The following DMD variants were observed in gnomAD, a reference collection of about 807,000 sequenced individuals.
DMD encodes the protein mutant dystrophin.
A neutral mutation model predicts 330.1 loss-of-function variants in DMD; 63 were observed. The observed-to-expected ratio is 0.19, with a 90% CI of 0.16 to 0.24. The LOEUF (loss-of-function observed/expected upper bound fraction) is 0.24, where lower values mean the gene tolerates loss of function less well. Ranked by LOEUF, DMD falls within the 10% of genes least tolerant of loss-of-function variation. The pLI, the probability that DMD is intolerant of heterozygous loss-of-function variation, is 1.00. For synonymous variants in DMD, 1,223 were observed against 959.8 expected (o/e 1.27, Z -5.07); for missense variants, 3,344 against 2,684.1 (o/e 1.25, Z -5.43).
At chrX:32,334,840 T>G (rs2097697618) in intron 41 of DMD, among the ~76,000 whole-genome samples, 1 of 111,464 alleles carries the variant, frequency 9.0e-6, no homozygotes. Context: ...CACTAGAAAG[T>G]TATAGAGTAA....
intron 60 of DMD, among the ~76,000 whole-genome samples, chrX:31,425,787 G>A (rs889099390): frequency 2.7e-5 from 3 of 109,901 alleles, no homozygotes; most frequent in Non-Finnish European, 5.7e-5. Flanking sequence ...GTTGCTTGGC[G>A]CAGTGGGAAG....
rs746494160 is a variant in DMD at position 32,597,785 on chromosome X, G to T, written c.1483-1909C>A. 6.8e-4 allele frequency among the ~76,000 whole-genome samples: 76 copies of T among 111,779 alleles called. 1 individual carries two copies. Among genetic ancestry groups the T allele is most frequent in the Non-Finnish European group, 1.1e-4 (6 of 53,140 alleles). On this transcript the variant is annotated intron_variant, in intron 12 of 78. Transcript: ENST00000357033. Reference sequence around the variant, plus strand: ...GCTCTAGAACCAAGGTATGTTGCCTGGGTGCTCCAGATCCCATAAGACCTT... The same window carrying T: ...GCTCTAGAACCAAGGTATGTTGCCTTGGTGCTCCAGATCCCATAAGACCTT...
chrX:33,110,524 T>G (rs2095331428), intron 1 of DMD, among the ~76,000 whole-genome samples: 1 of 111,714 alleles, frequency 9.0e-6, no homozygotes, highest in South Asian at 3.7e-4. Flanking sequence ...TATATTAACA[T>G]ATGATTTTTC....
chrX:32,677,304 T>C (rs1401444462), intron 9 of DMD, among the ~76,000 whole-genome samples: 4 of 111,440 alleles, frequency 3.6e-5, no homozygotes, highest in Non-Finnish European at 7.6e-5. Context: ...TATCTTAACT[T>C]TGTAGTGGCT....
intron 1 of DMD, among the ~76,000 whole-genome samples, chrX:33,109,530 T>G (rs1481532581): frequency 9.0e-6 from 1 of 111,040 alleles, no homozygotes; most frequent in African/African-American, 3.3e-5. Context: ...GTACAGCATC[T>G]AAAGCTTCCT....
At chrX:32,406,980 T>C (rs2098120166) in intron 30 of DMD, among the ~76,000 whole-genome samples, 1 of 111,511 alleles carries the variant, frequency 9.0e-6, no homozygotes, top group Non-Finnish European at 1.9e-5. Context: ...TAACTCAAGA[T>C]GGATTAAAGA....
intron 51 of DMD, among the ~76,000 whole-genome samples, chrX:31,764,629 GATTTA>G (rs1445552770): frequency 1.8e-5 from 2 of 111,500 alleles, no homozygotes; most frequent in African/African-American, 3.3e-5. Context: ...CGTCTTCATG[GATTTA>G]ATTTTTTTTA....
At chrX:32,782,628 G>C (rs1160795430) in intron 7 of DMD, among the ~76,000 whole-genome samples, 5 of 111,228 alleles carry the variant, frequency 4.5e-5, no homozygotes, top group African/African-American at 1.6e-4. Flanking sequence ...AGGTATGAAT[G>C]ATTTAGTGAT....
intron 55 of DMD, among the ~76,000 whole-genome samples, chrX:31,542,137 T>C (rs773337057): frequency 2.7e-5 from 3 of 111,657 alleles, no homozygotes; most frequent in Non-Finnish European, 3.8e-5. Flanking sequence ...GGAATGGTGG[T>C]ACATTTACTG....
Position 32,724,026 on chromosome X carries a change from A to T in DMD, c.650-24733T>A, listed in dbSNP as rs185362566. ...TTAAGTACATCCAGTAAAAGAATAA[A>T]AACTAAAACTAAAATAATTAGCACA... On this transcript the variant is annotated intron_variant, in intron 7 of 78. Coordinates refer to ENST00000357033, the MANE Select transcript of DMD (RefSeq NM_004006.3). 3.4e-3 allele frequency among the ~76,000 whole-genome samples: 385 copies of T among 111,840 alleles called. 3 individuals are homozygous for T. The highest frequency in any genetic ancestry group is 0.012 in the African/African-American group (359 of 30,908).
chrX:31,592,971 CT>C (rs1303950715), intron 55 of DMD, among the ~76,000 whole-genome samples: 1 of 111,242 alleles, frequency 9.0e-6, no homozygotes, highest in African/African-American at 3.2e-5. Context: ...TTACTCAACA[CT>C]TTTAGCTATG....
intron 1 of DMD, chrX:33,128,288 A>G (rs2095477170): frequency 9.4e-7 from 1 of 1,066,928 alleles, no homozygotes; most frequent in South Asian, 2.9e-5. Context: ...AGTCATAGCC[A>G]AGCACAGATA....
At chrX:31,419,485 T>A (rs2063249058) in intron 60 of DMD, among the ~76,000 whole-genome samples, 1 of 110,498 alleles carries the variant, frequency 9.0e-6, no homozygotes, top group Admixed American at 9.8e-5. Context: ...CTACACCAGG[T>A]CAAGTCCCTC....
At chrX:32,892,909 A>G (rs1253974207) in intron 2 of DMD, among the ~76,000 whole-genome samples, 3 of 111,910 alleles carry the variant, frequency 2.7e-5, no homozygotes, top group Admixed American at 1.9e-4. Flanking sequence ...CACATGATGC[A>G]GGATGATGAC....
intron 44 of DMD, among the ~76,000 whole-genome samples, chrX:32,082,957 T>A (rs1364604010): frequency 9.0e-6 from 1 of 111,690 alleles, no homozygotes; most frequent in Non-Finnish European, 1.9e-5. Context: ...GAGTCAATAT[T>A]AGATCCAAAG....
intron 27 of DMD, among the ~76,000 whole-genome samples, chrX:32,444,391 G>A (rs1202176058): frequency 9.1e-6 from 1 of 110,005 alleles, no homozygotes; most frequent in Non-Finnish European, 1.9e-5. Context: ...TCCAGTAAAG[G>A]CAATTCCTAT....
chrX:32,993,657 C>G (rs370261870), intron 2 of DMD, among the ~76,000 whole-genome samples: 1 of 109,825 alleles, frequency 9.1e-6, no homozygotes, highest in East Asian at 2.9e-4. Context: ...TAAAGTGTGG[C>G]TACATATACT....
intron 74 of DMD, among the ~76,000 whole-genome samples, chrX:31,148,247 T>C (rs1214278283): frequency 1.8e-5 from 2 of 112,438 alleles, no homozygotes; most frequent in African/African-American, 6.5e-5. Context: ...TTTTATGTGA[T>C]TCAATCTAAT....
chrX:33,030,512 G>C lies in DMD; in HGVS notation c.32-10312C>G, dbSNP rs762128946. 2.6e-3 allele frequency among the ~76,000 whole-genome samples: 293 copies of C among 111,880 alleles called. 2 individuals are homozygous for C. The highest frequency in any genetic ancestry group is 9.1e-3 in the African/African-American group (282 of 30,849). On this transcript the variant is annotated intron_variant, in intron 1 of 78. Transcript: ENST00000357033. ...AACATGAGTATGTGGGTGTAGACTT[G>C]TTAGGAGTAAAAATAAGTTACTATT...
Sources: gnomAD v4.1 joint callset for allele counts (sites outside exome capture counted in the v4.1 genomes callset) on GRCh38, gnomAD v4.1.1 for gene constraint, MANE v1.5 for transcripts, NCBI Gene and HGNC (gene_info 2026-07-23, HGNC 2026-07-21) for gene names.